RTTN: variants seen among roughly 807,000 people sequenced by gnomAD.
The protein encoded by RTTN is rotatin.
In RTTN, 182 loss-of-function variants were observed where a neutral mutation model predicts 269.2. The observed-to-expected ratio is 0.68, with a 90% confidence interval of 0.60 to 0.76. RTTN has a LOEUF of 0.76. Among genes scored for constraint, RTTN ranks in the 30% least tolerant of loss-of-function variants. RTTN has a pLI of 0.00. For synonymous variants in RTTN, 1,006 were observed against 963.5 expected, an observed-to-expected ratio of 1.04 and a Z score of -0.82; for missense variants, 2,545 against 2,608.6, an observed-to-expected ratio of 0.98 and a Z score of 0.53.
At chr18:70,152,454 T>C (rs1160112864) in intron 14 of RTTN, among the ~76,000 whole-genome samples, 2 of 152,310 alleles carry the variant, frequency 1.3e-5, no homozygotes, top group African/African-American at 2.4e-5. Flanking sequence ...AAGTACTTGA[T>C]ACATAAGAGT....
chr18:70,047,998 T>C lies in RTTN; in HGVS notation c.5514A>G (p.Leu1838=), dbSNP rs546607256. The change falls in exon 40 of 49, where the codon CTA becomes CTG. Residue 1838 remains leucine (L), a synonymous_variant. Transcript: ENST00000640769. ...GAAGGATTACATCACTAAGTTGTTC[T>C]AGAGATTTCTGATTTTCCTGAGAGT... ...LDDSQENQKS[L]EQLSDVILQC... is the part of the protein sequence containing the mutation. 1.9e-6 allele frequency: 3 copies of C among 1,614,030 alleles called. No individual in the cohort carries two copies. Among genetic ancestry groups the C allele is most frequent in the Admixed American group, 3.3e-5 (2 of 60,012 alleles).
intron 2 of RTTN, among the ~76,000 whole-genome samples, chr18:70,204,765 G>A (rs2062034627): frequency 6.6e-6 from 1 of 152,128 alleles, no homozygotes; most frequent in Non-Finnish European, 1.5e-5. Flanking sequence ...TATGAATCAC[G>A]GTTATGTAAC....
At chr18:70,110,726 G>GA (rs2059442733) in intron 27 of RTTN, among the ~76,000 whole-genome samples, 1 of 152,214 alleles carries the variant, frequency 6.6e-6, no homozygotes, top group Non-Finnish European at 1.5e-5. Flanking sequence ...CACTCCGCTG[G>GA]AAAGGGGTGC....
chr18:70,055,230 C>G (rs898759332), intron 37 of RTTN, among the ~76,000 whole-genome samples: 8 of 152,034 alleles, frequency 5.3e-5, no homozygotes, highest in African/African-American at 1.7e-4. Flanking sequence ...TGTCCACTAC[C>G]CTCAAGCAAT....
chr18:70,066,270 G>T (rs909623587), intron 34 of RTTN, among the ~76,000 whole-genome samples: 2 of 152,084 alleles, frequency 1.3e-5, no homozygotes, highest in African/African-American at 4.8e-5. Flanking sequence ...GTGATATTTT[G>T]CATTTCTTGA....
At chr18:70,055,323 A>ACACACACACACACTTTTTTTCCT (rs2057786873) in intron 37 of RTTN, among the ~76,000 whole-genome samples, 2 of 151,050 alleles carry the variant, frequency 1.3e-5, no homozygotes, top group Non-Finnish European at 2.9e-5. Context: ...ACACATACAC[A>ACACACACACACACTTTTTTTCCT]CACACACACA....
At chr18:70,134,415 T>G (rs1447507227) in intron 23 of RTTN, 58 bp downstream of exon 23, 4 of 1,266,938 alleles carry the variant, frequency 3.2e-6, no homozygotes, top group African/African-American at 1.5e-5. Flanking sequence ...AGATTTTGAT[T>G]TCCCTTTCTG....
At chr18:70,111,064 G>A (rs1187260413) in intron 27 of RTTN, among the ~76,000 whole-genome samples, 1 of 152,232 alleles carries the variant, frequency 6.6e-6, no homozygotes, top group African/African-American at 2.4e-5. Flanking sequence ...CCCAGACAGG[G>A]ACTTATAGAT....
intron 7 of RTTN, among the ~76,000 whole-genome samples, chr18:70,195,196 A>G (rs1467895534): frequency 3.9e-5 from 6 of 152,170 alleles, no homozygotes; most frequent in Admixed American, 1.3e-4. Context: ...CAGTTGCTCA[A>G]GGACATCACC....
At position 70,100,721 on chromosome 18, in the gene RTTN, A is replaced by G. The variant is rs1311848790; in HGVS notation, c.3904-7917T>C. Among the ~76,000 whole-genome samples the G allele has an allele frequency of 3.9e-5, 6 of 152,178 alleles. 1 individual carries two copies. Among genetic ancestry groups the G allele is most frequent in the African/African-American group, 1.4e-4 (6 of 41,448 alleles). On this transcript the variant is annotated intron_variant, in intron 28 of 48. Coordinates refer to ENST00000640769, the MANE Select transcript of RTTN (RefSeq NM_173630.4). ...TGATATTGGCTGTGGGTCTGTCATA[A>G]ATAGCTCTTATTATTGCGAGATACG... is the stretch of plus-strand genomic sequence containing the variant.
rs139625599 is a variant in RTTN, at chr18:70,094,225, G to A, written c.3904-1421C>T. Among the ~76,000 whole-genome samples, 439 of 152,038 alleles carry A rather than the reference G, an allele frequency of 2.9e-3. 1 individual carries two copies. Among genetic ancestry groups the A allele is most frequent in the African/African-American group, 9.8e-3 (407 of 41,446 alleles). On this transcript the variant is annotated intron_variant, in intron 28 of 48. Transcript: ENST00000640769. ...GTCAGGCTAGTGGTCTATCTATTTT[G>A]TTGATCTTTTCCAAAACACCAGCTC...
chr18:70,092,041 C>A (rs1036393495), intron 30 of RTTN, 69 bp downstream of exon 30: 2 of 968,628 alleles, frequency 2.1e-6, no homozygotes, highest in East Asian at 5.3e-5. Flanking sequence ...GCATGAGCCA[C>A]CGCACCTGGC....
At chr18:70,043,539 T>C (rs1284643111) in intron 40 of RTTN, among the ~76,000 whole-genome samples, 3 of 152,128 alleles carry the variant, frequency 2.0e-5, no homozygotes, top group African/African-American at 7.2e-5. Context: ...AAGCATGTTA[T>C]TTAGAGACAT....
Position 70,121,597 on chromosome 18 carries a change from G to C in RTTN, c.3487C>G (p.Leu1163Val), listed in dbSNP as rs780818021. 2.5e-6 allele frequency: 4 copies of C among 1,579,796 alleles called. No homozygotes were observed. In the South Asian group the frequency reaches 3.6e-5, roughly 14 times the overall value. Residue 1163 changes from leucine to valine, a missense_variant, in exon 26 of 49, where the codon CTA (leucine) becomes GTA (valine). Transcript: ENST00000640769. ...LIKEQRKNSS[L>V]ELLNWILELL... The stretch of plus-strand genomic sequence containing the variant: ...TCGAGAATCCAGTTTAGAAGTTCTA[G>C]TGAAGAATTTTTTCTTTGTTCCTTT...
At chr18:70,184,757 T>G (rs1369006157) in intron 10 of RTTN, among the ~76,000 whole-genome samples, 1 of 120,416 alleles carries the variant, frequency 8.3e-6, no homozygotes, top group African/African-American at 2.8e-5. Flanking sequence ...TGTGTGTGTG[T>G]GGTGGCGGGC....
chr18:70,049,471 A>T (rs1274005372), intron 39 of RTTN, among the ~76,000 whole-genome samples: 1 of 152,186 alleles, frequency 6.6e-6, no homozygotes, highest in African/African-American at 2.4e-5. Flanking sequence ...TCCTACATCC[A>T]GAAAATTAAC....
Position 70,204,187 on chromosome 18 carries a change from G to A in RTTN, c.296C>T (p.Pro99Leu). 1.2e-6 allele frequency: 2 copies of A among 1,614,094 alleles called. No homozygotes were observed. Among genetic ancestry groups the A allele is most frequent in the Non-Finnish European group, 1.7e-6 (2 of 1,179,984 alleles). The change falls in exon 3 of 49, where the codon CCA becomes CTA. Residue 99 changes from proline (P) to leucine (L), a missense_variant. By Grantham distance (98) the Pro-to-Leu change is moderately conservative. Transcript: ENST00000640769. ...GCCATCAATTTCAGCCTGCAGATTT[G>A]GCTCCACATTAGACCGAAGCTTAGA... Reference protein sequence around the residue: ...FLSKLRSNVEPNLQAEIDGIL... With the variant: ...FLSKLRSNVELNLQAEIDGIL...
At chr18:70,185,823 G>C (rs75212224) in intron 10 of RTTN, among the ~76,000 whole-genome samples, 2,945 of 151,884 alleles carry the variant, frequency 0.019, 96 homozygotes, top group African/African-American at 0.066. Context: ...GTTCAGCAAG[G>C]CCACCAAATA....
At position 70,159,251 on chromosome 18, in the gene RTTN, G is replaced by A. The variant is rs574402797; in HGVS notation, c.1929+6811C>T. On this transcript the variant is annotated intron_variant, in intron 14 of 48. Transcript: ENST00000640769. ...ATACCAACCACACTCTCAGGCCACA[G>A]TGCAATAAAAATAGAAATTATTACC... Among the ~76,000 whole-genome samples the A allele has an allele frequency of 9.0e-4, 137 of 152,180 alleles. 1 individual carries two copies. Among genetic ancestry groups the A allele is most frequent in the African/African-American group, 3.2e-3 (132 of 41,526 alleles).
Sources: allele counts gnomAD v4.1 joint callset (sites outside exome capture counted in the v4.1 genomes callset), GRCh38; gene constraint gnomAD v4.1.1; transcripts MANE v1.5; gene names NCBI Gene and HGNC (gene_info 2026-07-23, HGNC 2026-07-21).